The following SLC26A5 variants were observed in gnomAD, a reference collection of about 807,000 sequenced individuals.
SLC26A5 encodes solute carrier family 26 member 5, also known as prestin.
SLC26A5 carries 51 observed loss-of-function variants against 81.0 expected under a neutral mutation model. That is an observed-to-expected ratio of 0.63 (90% CI 0.50 to 0.80). The LOEUF (loss-of-function observed/expected upper bound fraction) is 0.80, where lower values mean the gene tolerates loss of function less well. Ranked by LOEUF, SLC26A5 falls within the 30% of genes least tolerant of loss-of-function variation. The pLI, the probability that SLC26A5 is intolerant of heterozygous loss-of-function variation, is 0.00. For synonymous variants in SLC26A5, 325 were observed against 332.8 expected (o/e 0.98, Z 0.25); for missense variants, 771 against 905.8 (o/e 0.85, Z 1.91).
intron 19 of SLC26A5, chr7:103,352,972 A>AT (rs2116131872): frequency 2.6e-6 from 2 of 780,314 alleles, no homozygotes; most frequent in East Asian, 2.4e-5. Flanking sequence ...GTGAACTTAA[A>AT]TTTTTTACCA....
At chr7:103,368,097 A>T in intron 19 of SLC26A5, 1 of 1,542,704 alleles carries the variant, frequency 6.5e-7, no homozygotes, top group African/African-American at 1.4e-5. Flanking sequence ...TGGAATCCTA[A>T]CCTTATATAG....
At chr7:103,401,521 C>T (rs10241317) in intron 8 of SLC26A5, among the ~76,000 whole-genome samples, 3,315 of 152,272 alleles carry the variant, frequency 0.022, 106 homozygotes, top group African/African-American at 0.076. Context: ...GACAATTTGA[C>T]TTCCTCTCTT....
chr7:103,357,090 C>T (rs1257032445), intron 19 of SLC26A5, among the ~76,000 whole-genome samples: 2 of 152,076 alleles, frequency 1.3e-5, no homozygotes, highest in Non-Finnish European at 2.9e-5. Flanking sequence ...CTTTGGGAGG[C>T]CCAGGCAGGC....
At chr7:103,354,365 ATT>A (rs752847513) in intron 19 of SLC26A5, among the ~76,000 whole-genome samples, 1,572 of 134,458 alleles carry the variant, frequency 0.012, 23 homozygotes, top group African/African-American at 0.041. Context: ...TTCACACACG[ATT>A]TTTTTTTTTT....
intron 8 of SLC26A5, among the ~76,000 whole-genome samples, chr7:103,406,218 C>G (rs1824037791): frequency 6.6e-6 from 1 of 152,140 alleles, no homozygotes; most frequent in Non-Finnish European, 1.5e-5. Flanking sequence ...CCAGGCACCA[C>G]TGGGGTATGA....
chr7:103,431,349 G>A (rs144804399), intron 2 of SLC26A5, among the ~76,000 whole-genome samples: 5 of 151,174 alleles, frequency 3.3e-5, no homozygotes, highest in African/African-American at 1.2e-4. Flanking sequence ...TCTGAGACAG[G>A]TGTCACTCTG....
At chr7:103,371,438 C>T (rs1036779630), downstream of SLC26A5, among the ~76,000 whole-genome samples, 8 of 151,188 alleles carry the variant, frequency 5.3e-5, no homozygotes, top group Non-Finnish European at 8.9e-5. Flanking sequence ...CATTCTCCTG[C>T]CTCAGCCTCC....
chr7:103,445,762 T>A (rs1481296383), intron 1 of SLC26A5: 3 of 152,302 alleles, frequency 2.0e-5, no homozygotes, highest in Admixed American at 2.0e-4. Flanking sequence ...AGACCCAAAC[T>A]GGAAACGGCG....
chr7:103,433,530 C>G (rs2116818539), intron 2 of SLC26A5: 1 of 152,130 alleles, frequency 6.6e-6, no homozygotes, highest in East Asian at 1.9e-4. Context: ...TTGTATAAAT[C>G]AGTTGTAAAT....
At chr7:103,423,796 A>G (rs2116744107) in intron 2 of SLC26A5, among the ~76,000 whole-genome samples, 1 of 152,316 alleles carries the variant, frequency 6.6e-6, no homozygotes, top group East Asian at 1.9e-4. Flanking sequence ...TGTCTGTGGT[A>G]TTTTGTTATA....
intron 17 of SLC26A5, among the ~76,000 whole-genome samples, chr7:103,378,171 C>T (rs535117493): frequency 1.3e-5 from 2 of 152,282 alleles, no homozygotes; most frequent in East Asian, 3.9e-4. Context: ...TTTAAACTAT[C>T]AGCTGAATAA....
intron 9 of SLC26A5, among the ~76,000 whole-genome samples, chr7:103,396,582 A>T (rs1298206914): frequency 6.6e-6 from 1 of 152,212 alleles, no homozygotes; most frequent in Non-Finnish European, 1.5e-5. Flanking sequence ...TCACGAAAAG[A>T]CAAATGCTGT....
chr7:103,390,533 G>T (rs1305524771), intron 11 of SLC26A5, 27 bp from the exon 12 acceptor site: 3 of 1,594,122 alleles, frequency 1.9e-6, no homozygotes, highest in African/African-American at 1.3e-5. Flanking sequence ...ACATGGAAGG[G>T]GCTTTTAGGA....
chr7:103,420,886 A>G lies in SLC26A5; in HGVS notation c.153-9T>C. The stretch of plus-strand genomic sequence containing the variant: ...TTTTTTTAGGAGTACATCTGAAAGG[A>G]CAAAGACAGACAGAGATAAAGTTAT... On this transcript the variant is annotated splice_polypyrimidine_tract_variant and intron_variant, in intron 3 of 19. Coordinates refer to ENST00000306312, the MANE Select transcript of SLC26A5 (RefSeq NM_198999.3). The G allele has an allele frequency of 1.2e-6, 2 of 1,600,144 alleles. No individual in the cohort carries two copies. Among genetic ancestry groups the G allele is most frequent in the Non-Finnish European group, 1.7e-6 (2 of 1,167,906 alleles).
downstream of SLC26A5, chr7:103,374,072 A>G (rs1043043189): frequency 2.8e-5 from 18 of 641,820 alleles, no homozygotes; most frequent in Admixed American, 1.5e-4. Flanking sequence ...GTACAAAAAC[A>G]AAGAACCACT....
chr7:103,407,073 T>C (rs956093734), intron 8 of SLC26A5, among the ~76,000 whole-genome samples: 4 of 152,218 alleles, frequency 2.6e-5, no homozygotes, highest in Non-Finnish European at 5.9e-5. Context: ...GTGACATCTA[T>C]TGGGCACTGT....
intron 2 of SLC26A5, among the ~76,000 whole-genome samples, chr7:103,427,353 T>C (rs982882825): frequency 2.6e-5 from 4 of 152,014 alleles, no homozygotes. Flanking sequence ...GCTGGAATTA[T>C]GGGTGTGAAC....
At chr7:103,427,955 C>T (rs1464790511) in intron 2 of SLC26A5, among the ~76,000 whole-genome samples, 10 of 151,208 alleles carry the variant, frequency 6.6e-5, no homozygotes, top group Admixed American at 6.6e-4. Flanking sequence ...TGGGTTCAAG[C>T]GATTCTCCTG....
chr7:103,362,377 G>A (rs1820461708), intron 19 of SLC26A5: 1 of 1,339,022 alleles, frequency 7.5e-7, no homozygotes, highest in African/African-American at 1.5e-5. Context: ...GGGAGTACTT[G>A]CTTTAGGATA....
Sources: allele counts gnomAD v4.1 joint callset (sites outside exome capture counted in the v4.1 genomes callset), GRCh38; gene constraint gnomAD v4.1.1; transcripts MANE v1.5; gene names NCBI Gene and HGNC (gene_info 2026-07-23, HGNC 2026-07-21).